Variants in LAMB3 observed in about 807,000 individuals in gnomAD.
LAMB3 encodes the protein laminin subunit beta-3.
A neutral mutation model predicts 140.3 loss-of-function variants in LAMB3; 104 were observed. The ratio of observed to expected loss-of-function variants is 0.74; its 90% confidence interval spans 0.63 to 0.87. LAMB3 has a LOEUF of 0.87. Among genes scored for constraint, LAMB3 ranks in the 40% least tolerant of loss-of-function variants. LAMB3 has a pLI of 0.00. For synonymous variants in LAMB3, 592 were observed against 602.9 expected (o/e 0.98, Z 0.26); for missense variants, 1,531 against 1,575.2 (o/e 0.97, Z 0.47).
Position 209,630,640 on chromosome 1 carries a change from C to T in LAMB3, c.918G>A (p.Glu306=), listed in dbSNP as rs993479644. 2 of 1,614,030 alleles carry T rather than the reference C, an allele frequency of 1.2e-6. No homozygotes were observed. Among genetic ancestry groups the T allele is most frequent in the African/African-American group, 1.3e-5 (1 of 74,924 alleles). ...TTTGGCATTCATGGGCGTCCTGGCC[C>T]TCCGCCGGTCTCCAGGGCCGGTTGT... The part of the protein sequence containing the change: ...FYNNRPWRPA[E]GQDAHECQRC... Residue 306 remains glutamate, a synonymous_variant, in exon 9 of 23, where the codon GAG becomes GAA. Transcript: ENST00000356082.
At chr1:209,615,454 T>TC in intron 22 of LAMB3, 47 bp from the exon 23 acceptor site, 1 of 1,544,132 alleles carries the variant, frequency 6.5e-7, no homozygotes, top group South Asian at 1.2e-5. Flanking sequence ...ATGGTGAGAC[T>TC]CCCCAAGACT....
chr1:209,623,679 A>T lies in LAMB3; in HGVS notation c.2184T>A (p.Ala728=). 1 of 1,614,180 alleles carries T rather than the reference A, an allele frequency of 6.2e-7. No homozygotes were observed. The highest frequency in any genetic ancestry group is 1.1e-5 in the South Asian group (1 of 91,084). The stretch of plus-strand genomic sequence containing the variant: ...GCGAGCTGTCGGAGACCTGCTGAGC[A>T]GCCTGGGCTGACTGCTCGTAGGCTG... ...LSTAYEQSAQ[A]AQQVSDSSRL... The change falls in exon 16 of 23, where the codon GCT becomes GCA. Residue 728 remains alanine, a synonymous_variant. Transcript: ENST00000356082. The surrounding 1 kb of genome is among the most constrained non-coding windows in gnomAD (Gnocchi z 4.2).
rs377744457 is a variant in LAMB3, at chr1:209,625,746, A to G, written c.1878T>C (p.Asp626=). 6.2e-7 allele frequency: 1 copy of G among 1,613,952 alleles called. No homozygotes were observed. The highest frequency in any genetic ancestry group is 8.5e-7 in the Non-Finnish European group (1 of 1,179,986). The change falls in exon 14 of 23, where the codon GAT becomes GAC. Residue 626 remains aspartate (D), a synonymous_variant. Transcript: ENST00000356082. ...GGATCTGCTCAATCTTACTCTTTGCATCTAGGATCCGGGAGGCCAGGCCAC... is the reference window on the plus strand; with the variant it reads ...GGATCTGCTCAATCTTACTCTTTGCGTCTAGGATCCGGGAGGCCAGGCCAC... ...EDRGLASRIL[D]AKSKIEQIRA...
At chr1:209,651,028 A>C in intron 1 of LAMB3, 47 bp from the exon 2 acceptor site, 4 of 1,188,552 alleles carry the variant, frequency 3.4e-6, no homozygotes, top group Non-Finnish European at 5.1e-6. Flanking sequence ...AAACCCCTAG[A>C]GCACACTAGC....
rs545233104 is a variant in LAMB3 at position 209,620,225 on chromosome 1, A to G, written c.2702-1566T>C. Among the ~76,000 whole-genome samples the G allele has an allele frequency of 3.3e-4, 51 of 152,322 alleles. 1 individual carries two copies. Among genetic ancestry groups the G allele is most frequent in the African/African-American group, 1.1e-3 (47 of 41,570 alleles). On this transcript the variant is annotated intron_variant, in intron 18 of 22. Coordinates refer to ENST00000356082, the MANE Select transcript of LAMB3 (RefSeq NM_000228.3). ...AAGCATGGGAGGAGTTGAGACTGCA[A>G]ATCAAATTAAACTCAGTCCCTGCCT...
chr1:209,627,384 TG>T lies in LAMB3; in HGVS notation c.1483del (p.Gln495SerfsTer15). 1 of 1,612,494 alleles carries T rather than the reference TG, an allele frequency of 6.2e-7. No individual in the cohort carries two copies. The highest frequency in any genetic ancestry group is 8.5e-7 in the Non-Finnish European group (1 of 1,179,114). On this transcript the variant is annotated frameshift_variant and splice_region_variant, in exon 12 of 23. Coordinates refer to ENST00000356082, the MANE Select transcript of LAMB3 (RefSeq NM_000228.3). LOFTEE classifies it high-confidence loss of function. ...CCCCGGACCACCCTCACTTCGTACC[TG>T]GTTGCACTGTGGGCTGAGGGAGTTG... is the stretch of plus-strand genomic sequence containing the variant. ...PHNSLSPQCN[Q>X]FTGQCPCREG...
At chr1:209,628,684 G>A (rs985724116) in intron 10 of LAMB3, among the ~76,000 whole-genome samples, 6 of 143,902 alleles carry the variant, frequency 4.2e-5, no homozygotes, top group South Asian at 2.1e-4. Flanking sequence ...CAACAAGAGC[G>A]AAACCATCTC....
chr1:209,633,482 A>C (rs1030430073), intron 6 of LAMB3, among the ~76,000 whole-genome samples: 1 of 152,196 alleles, frequency 6.6e-6, no homozygotes, highest in African/African-American at 2.4e-5. Context: ...TGAGTGAGAA[A>C]TCTAAAACCC....
rs2102404885 is a variant in LAMB3 at position 209,617,476 on chromosome 1, C to T, written c.3162G>A (p.Gly1054=). 1 of 1,613,868 alleles carries T rather than the reference C, an allele frequency of 6.2e-7. No individual in the cohort carries two copies. Among genetic ancestry groups the T allele is most frequent in the Non-Finnish European group, 8.5e-7 (1 of 1,180,054 alleles). ...GCTGCTGGGCCTGGACTGCCTCTGC[C>T]CCCTGCTGCCGGGCTTGGTGGCGGA... ...EELRHQARQQ[G]AEAVQAQQLA... is the part of the protein sequence containing the mutation. Residue 1054 remains glycine, a synonymous_variant, in exon 21 of 23, where the codon GGG becomes GGA. Coordinates refer to ENST00000356082, the MANE Select transcript of LAMB3 (RefSeq NM_000228.3).
At chr1:209,631,548 A>T (rs1379364437) in intron 8 of LAMB3, among the ~76,000 whole-genome samples, 3 of 152,174 alleles carry the variant, frequency 2.0e-5, no homozygotes, top group Non-Finnish European at 2.9e-5. Flanking sequence ...CATTTTTTAA[A>T]ATGCCAAGGT....
At position 209,618,519 on chromosome 1, in the gene LAMB3, C is replaced by G. The variant is rs1422136616; in HGVS notation, c.2842G>C (p.Val948Leu). Reference sequence around the variant, plus strand: ...ATGTCCTGCTTGGTCTGGGACAGCACCAAGTCCACGTTGGGGAGCCTGGCT... The same window carrying G: ...ATGTCCTGCTTGGTCTGGGACAGCAGCAAGTCCACGTTGGGGAGCCTGGCT... ...IAARLPNVDL[V>L]LSQTKQDIAR... The change falls in exon 19 of 23, where the codon GTG becomes CTG. Residue 948 changes from valine to leucine, a missense_variant. By Grantham distance (32) the Val-to-Leu change is conservative. Coordinates refer to ENST00000356082, the MANE Select transcript of LAMB3 (RefSeq NM_000228.3). 6.2e-7 allele frequency: 1 copy of G among 1,614,264 alleles called. No homozygotes were observed. The highest frequency in any genetic ancestry group is 8.5e-7 in the Non-Finnish European group (1 of 1,180,040).
intron 17 of LAMB3, 135 bp from the exon 18 acceptor site, chr1:209,622,815 A>T: frequency 7.3e-7 from 1 of 1,364,508 alleles, no homozygotes. Context: ...TTACATGTGG[A>T]TGTTCAGTAA....
chr1:209,632,672 G>C lies in LAMB3; in HGVS notation c.733C>G (p.Arg245Gly), dbSNP rs776549945. The change falls in exon 8 of 23, where the codon CGT becomes GGT. Residue 245 changes from arginine to glycine, a missense_variant. Coordinates refer to ENST00000356082, the MANE Select transcript of LAMB3 (RefSeq NM_000228.3). The stretch of plus-strand genomic sequence containing the variant: ...TGACAGAAGCAGCTCCCCTGCAGAC[G>C]GAGCTGGGACACAGCATAGTAGGCG... ...PSAYYAVSQLRLQGSCFCHGH... is the reference protein window; with the variant it reads ...PSAYYAVSQLGLQGSCFCHGH... 6.2e-7 allele frequency: 1 copy of C among 1,614,198 alleles called. No homozygotes were observed. The highest frequency in any genetic ancestry group is 1.3e-5 in the African/African-American group (1 of 75,054).
In LAMB3 at chr1:209,623,397, G is replaced by A; in HGVS notation, c.2358+108C>T. 4.2e-6 allele frequency: 5 copies of A among 1,182,398 alleles called. No individual in the cohort carries two copies. Among genetic ancestry groups the A allele is most frequent in the Non-Finnish European group, 6.3e-6 (5 of 795,208 alleles). 73.2% of individuals were successfully genotyped at this position (1,182,398 alleles called of 1,614,324 possible). On this transcript the variant is annotated intron_variant, in intron 16 of 22. Coordinates refer to ENST00000356082, the MANE Select transcript of LAMB3 (RefSeq NM_000228.3). The surrounding 1 kb of genome is among the most constrained non-coding windows in gnomAD (Gnocchi z 4.2). ...AGGGTCGGGATGGCTGGGGGAGTGG[G>A]GTTCTCACAGGGGCAGATCTGCCCT...
chr1:209,627,892 C>T lies in LAMB3; in HGVS notation c.1288+143G>A, dbSNP rs1016795687. On this transcript the variant is annotated intron_variant, in intron 11 of 22. Coordinates refer to ENST00000356082, the MANE Select transcript of LAMB3 (RefSeq NM_000228.3). ...GTAAGAGGGCAAGAAGTCCGGACTCCTGGCAAAGGCCCGGGCATACCCCCT... is the reference window on the plus strand; with the variant it reads ...GTAAGAGGGCAAGAAGTCCGGACTCTTGGCAAAGGCCCGGGCATACCCCCT... The T allele has an allele frequency of 8.6e-6, 10 of 1,156,880 alleles. No individual in the cohort carries two copies. The African/African-American group carries it at 1.4e-4, about 16-fold the overall frequency. 71.7% of individuals were successfully genotyped at this position (1,156,880 alleles called of 1,614,324 possible). A position where few individuals can be genotyped will look rare whatever the true frequency, so the allele number is the denominator to read the frequency against.
In LAMB3 at chr1:209,615,172, T is replaced by G; in HGVS notation, c.*99A>C. ...GGTCCAGGCTGTACTTTAGGCTGCATGAAAGTCTCCTGGAGATGGAAAGCA... is the reference window on the plus strand; with the variant it reads ...GGTCCAGGCTGTACTTTAGGCTGCAGGAAAGTCTCCTGGAGATGGAAAGCA... On this transcript the variant is annotated 3_prime_UTR_variant, in exon 23 of 23. Coordinates refer to ENST00000356082, the MANE Select transcript of LAMB3 (RefSeq NM_000228.3). 3.9e-6 allele frequency: 6 copies of G among 1,526,252 alleles called. No individual in the cohort carries two copies. In the South Asian group the frequency reaches 6.8e-5, roughly 17 times the overall value. The allele number at this position is 1,526,252 out of a possible 1,614,324, so 94.5% of individuals were successfully genotyped here. A position where few individuals can be genotyped will look rare whatever the true frequency, so the allele number is the denominator to read the frequency against.
rs186973766 is a variant in LAMB3 at position 209,635,815 on chromosome 1, A to G, written c.373-1177T>C. ...TCAGTCCTCTGCTAAAAATCCTCCA[A>G]TACTATTCTGGAACGAAATCTGAAC... On this transcript the variant is annotated intron_variant, in intron 5 of 22. Transcript: ENST00000356082. Among the ~76,000 whole-genome samples, 206 of 152,298 alleles carry G rather than the reference A, an allele frequency of 1.4e-3. 1 individual carries two copies. The highest frequency in any genetic ancestry group is 4.6e-3 in the African/African-American group (192 of 41,560).
Position 209,627,403 on chromosome 1 carries a change from G to A in LAMB3, c.1465C>T (p.Leu489Phe). The part of the protein sequence containing the change: ...EPCACDPHNS[L>F]SPQCNQFTGQ... ...CGTACCTGGTTGCACTGTGGGCTGA[G>A]GGAGTTGTGCGGGTCGCAGGCACAC... Residue 489 changes from leucine to phenylalanine, a missense_variant, in exon 12 of 23, where the codon CTC becomes TTC. Transcript: ENST00000356082. 6.2e-7 allele frequency: 1 copy of A among 1,613,604 alleles called. No individual in the cohort carries two copies. Among genetic ancestry groups the A allele is most frequent in the South Asian group, 1.1e-5 (1 of 91,078 alleles).
chr1:209,649,391 A>T (rs534391905), intron 3 of LAMB3, among the ~76,000 whole-genome samples: 3 of 152,338 alleles, frequency 2.0e-5, no homozygotes, highest in African/African-American at 7.2e-5. Context: ...AGACCCAGAG[A>T]CAAATTAGAA....
Sources: gnomAD v4.1 joint callset for allele counts (sites outside exome capture counted in the v4.1 genomes callset) on GRCh38, gnomAD v4.1.1 for gene constraint, Gnocchi (gnomAD v3.1) non-coding constraint, MANE v1.5 for transcripts, NCBI Gene and HGNC (gene_info 2026-07-23, HGNC 2026-07-21) for gene names.